The following XIAP variants were observed in gnomAD, a reference collection of about 807,000 sequenced individuals.
XIAP encodes E3 ubiquitin-protein ligase XIAP.
In XIAP, 3 loss-of-function variants were observed where a neutral mutation model predicts 33.1. The ratio of observed to expected loss-of-function variants is 0.09; its 90% CI spans 0.04 to 0.23. XIAP has a LOEUF of 0.23. Among genes scored for constraint, XIAP ranks in the 10% least tolerant of loss-of-function variants. The pLI, the probability that XIAP is intolerant of heterozygous loss-of-function variation, is 1.00. For synonymous variants in XIAP, 98 were observed against 121.3 expected (o/e 0.81, Z 1.26); for missense variants, 264 against 363.0 (o/e 0.73, Z 2.22).
upstream of XIAP, chrX:123,859,786 G>T (rs1420050790): frequency 8.8e-6 from 2 of 227,770 alleles, no homozygotes; most frequent in Non-Finnish European, 1.6e-5. Context: ...TGGGGGTGGG[G>T]GTAGGGGTTG....
intron 2 of XIAP, 54 bp from the exon 3 acceptor site, chrX:123,888,565 T>A (rs752517554): frequency 7.5e-6 from 8 of 1,073,782 alleles, no homozygotes; most frequent in African/African-American, 3.6e-5. Flanking sequence ...AAATGAATAT[T>A]TTTGTGTAAG....
Position 123,909,270 on chromosome X carries a change from A to G in XIAP, c.*2089A>G, listed in dbSNP as rs1202376523. 4 of 325,597 alleles carry G rather than the reference A, an allele frequency of 1.2e-5. No homozygotes were observed. The highest frequency in any genetic ancestry group is 2.4e-5 in the Non-Finnish European group (4 of 168,703). The allele number at this position is 325,597 out of a possible 1,213,427, so 26.8% of individuals were successfully genotyped here. A position where few individuals can be genotyped will look rare whatever the true frequency, so the allele number is the denominator to read the frequency against. On this transcript the variant is annotated 3_prime_UTR_variant, in exon 7 of 7. Transcript: ENST00000371199. The stretch of plus-strand genomic sequence containing the variant: ...GGTATCAAACTCCTGACCTCAAGAG[A>G]TCCACTCGCCTTGCCCTCCCAAAGT...
At chrX:123,894,955 A>G (rs764592295) in intron 5 of XIAP, among the ~76,000 whole-genome samples, 139 of 92,569 alleles carry the variant, frequency 1.5e-3, no homozygotes, top group Middle Eastern at 0.012. Context: ...AACATAAATA[A>G]GTAAATAAAT....
intron 1 of XIAP, among the ~76,000 whole-genome samples, chrX:123,883,670 GTT>G (rs2053325788): frequency 9.3e-6 from 1 of 108,072 alleles, no homozygotes; most frequent in Non-Finnish European, 1.9e-5. Flanking sequence ...CTAATTTTGT[GTT>G]TTTAGTAGAG....
chrX:123,907,360 G>T lies in XIAP; in HGVS notation c.*179G>T. The T allele has an allele frequency of 2.0e-6, 1 of 507,728 alleles. No homozygotes were observed. The highest frequency in any genetic ancestry group is 3.5e-6 in the Non-Finnish European group (1 of 289,186). The allele number at this position is 507,728 out of a possible 1,213,427, so 41.8% of individuals were successfully genotyped here. On this transcript the variant is annotated 3_prime_UTR_variant, in exon 7 of 7. Transcript: ENST00000371199. Reference sequence around the variant, plus strand: ...ATCTTTGAATTTCTTGATTTTTCAGGGTATTAGCTGTATTATCCATTTTTT... The same window carrying T: ...ATCTTTGAATTTCTTGATTTTTCAGTGTATTAGCTGTATTATCCATTTTTT...
chrX:123,861,738 C>T (rs866314912), intron 1 of XIAP, among the ~76,000 whole-genome samples: 1 of 110,501 alleles, frequency 9.0e-6, no homozygotes, highest in African/African-American at 3.3e-5. Flanking sequence ...GGTATGTACA[C>T]ATTTATGTGC....
rs1415772784 is a variant in XIAP at position 123,908,949 on chromosome X, A to C, written c.*1768A>C. On this transcript the variant is annotated 3_prime_UTR_variant, in exon 7 of 7. Transcript: ENST00000371199. ...ATTTTTGTTGTACTTTCTAAGAGAA[A>C]GAGTATTGTTATGTTCTCCTAACTT... The C allele has an allele frequency of 2.9e-6, 1 of 347,106 alleles. No homozygotes were observed. Among genetic ancestry groups the C allele is most frequent in the Admixed American group, 3.1e-5 (1 of 32,455 alleles). 28.6% of individuals were successfully genotyped at this position (347,106 alleles called of 1,213,427 possible).
At chrX:123,884,968 TAAGGTTTGCAGGTACTTAG>T (rs968894693) in intron 1 of XIAP, among the ~76,000 whole-genome samples, 7 of 105,186 alleles carry the variant, frequency 6.7e-5, no homozygotes, top group African/African-American at 2.2e-4. Flanking sequence ...TAACAGCAAT[TAAGGTTTGCAGGTACTTAG>T]AATTTTTCCT....
rs924397834 is a variant in XIAP, at chrX:123,912,999, T to C, written c.*5818T>C. The C allele has an allele frequency of 3.5e-6, 1 of 286,739 alleles. No homozygotes were observed. Among genetic ancestry groups the C allele is most frequent in the Non-Finnish European group, 6.8e-6 (1 of 147,576 alleles). The allele number at this position is 286,739 out of a possible 1,213,427, so 23.6% of individuals were successfully genotyped here. A position where few individuals can be genotyped will look rare whatever the true frequency, so the allele number is the denominator to read the frequency against. On this transcript the variant is annotated 3_prime_UTR_variant, in exon 7 of 7. Coordinates refer to ENST00000371199, the MANE Select transcript of XIAP (RefSeq NM_001167.4). ...TTTCGCGGTGTTGACCAGGCTGGTCTCGAACTCCTGATCTCAGGTGATCTG... is the reference window on the plus strand; with the variant it reads ...TTTCGCGGTGTTGACCAGGCTGGTCCCGAACTCCTGATCTCAGGTGATCTG...
chrX:123,896,920 G>A (rs1340778784), intron 5 of XIAP, among the ~76,000 whole-genome samples: 4 of 100,157 alleles, frequency 4.0e-5, no homozygotes, highest in East Asian at 3.3e-4. Context: ...AAGCATAAAC[G>A]TCTTTAATTT....
At position 123,908,419 on chromosome X, in the gene XIAP, A is replaced by G. The variant is rs764243823; in HGVS notation, c.*1238A>G. On this transcript the variant is annotated 3_prime_UTR_variant, in exon 7 of 7. Coordinates refer to ENST00000371199, the MANE Select transcript of XIAP (RefSeq NM_001167.4). ...TAAGCCTGCCTAAGTCACTTTACTA[A>G]AAGATCTTTGTTAACTCAGTATTTT... 1.1e-5 allele frequency: 4 copies of G among 376,813 alleles called. No homozygotes were observed. The highest frequency in any genetic ancestry group is 1.0e-4 in the South Asian group (4 of 38,800). The allele number at this position is 376,813 out of a possible 1,213,427, so 31.1% of individuals were successfully genotyped here.
At chrX:123,900,061 AC>A (rs1179061295) in intron 5 of XIAP, among the ~76,000 whole-genome samples, 1 of 112,047 alleles carries the variant, frequency 8.9e-6, no homozygotes, top group African/African-American at 3.2e-5. Flanking sequence ...GGAAATTGAC[AC>A]ATTCAAGGTT....
intron 1 of XIAP, chrX:123,872,911 A>G (rs750788487): frequency 4.3e-4 from 48 of 111,265 alleles, no homozygotes; most frequent in African/African-American, 1.6e-3. Context: ...CCCAGGGTAC[A>G]GTGCACTGGC....
At chrX:123,871,936 A>G (rs2053197718) in intron 1 of XIAP, among the ~76,000 whole-genome samples, 1 of 109,820 alleles carries the variant, frequency 9.1e-6, no homozygotes, top group Admixed American at 9.9e-5. Flanking sequence ...CCCCATCTCT[A>G]CTAAAAATAC....
intron 4 of XIAP, among the ~76,000 whole-genome samples, chrX:123,891,944 G>T (rs1195070931): frequency 9.0e-6 from 1 of 111,249 alleles, no homozygotes; most frequent in Non-Finnish European, 1.9e-5. Context: ...GCAAAAATGG[G>T]CTTGAAGAAC....
chrX:123,869,308 A>C (rs1311797847), intron 1 of XIAP, among the ~76,000 whole-genome samples: 1 of 99,042 alleles, frequency 1.0e-5, no homozygotes, highest in Non-Finnish European at 2.0e-5. Flanking sequence ...TGAGGTCAGG[A>C]GTTCAAGACC....
chrX:123,895,957 T>C (rs747454302), intron 5 of XIAP, among the ~76,000 whole-genome samples: 3 of 111,377 alleles, frequency 2.7e-5, no homozygotes, highest in East Asian at 2.8e-4. Flanking sequence ...GGACGGGGTT[T>C]CGCTATATTA....
chrX:123,910,061 G>A lies in XIAP; in HGVS notation c.*2880G>A, dbSNP rs983149538. 3.0e-6 allele frequency: 1 copy of A among 328,278 alleles called. No individual in the cohort carries two copies. The highest frequency in any genetic ancestry group is 5.9e-6 in the Non-Finnish European group (1 of 169,565). 27.1% of individuals were successfully genotyped at this position (328,278 alleles called of 1,213,427 possible). On this transcript the variant is annotated 3_prime_UTR_variant, in exon 7 of 7. Coordinates refer to ENST00000371199, the MANE Select transcript of XIAP (RefSeq NM_001167.4). ...AAGTCACCACTTATTTTACATTTTA[G>A]TCATGCAAAGATTCAAGTAGTTTTG...
In XIAP at chrX:123,907,095, A is replaced by T. The variant is rs143165174; in HGVS notation, c.1408A>T (p.Thr470Ser). The change falls in exon 7 of 7, where the codon ACT becomes TCT. Residue 470 changes from threonine to serine, a missense_variant. Transcript: ENST00000371199. ...IVFVPCGHLV[T>S]CKQCAEAVDK... ...TTTTGTTCCTTGTGGACATCTAGTC[A>T]CTTGTAAACAATGTGCTGAAGCAGT... 8.9e-4 allele frequency: 1,075 copies of T among 1,210,393 alleles called. 1 individual carries two copies. The highest frequency in any genetic ancestry group is 1.6e-3 in the Middle Eastern group (7 of 4,348).
Sources: allele counts gnomAD v4.1 joint callset (sites outside exome capture counted in the v4.1 genomes callset), GRCh38; gene constraint gnomAD v4.1.1; transcripts MANE v1.5; gene names NCBI Gene and HGNC (gene_info 2026-07-23, HGNC 2026-07-21).